Variants in DNA2 observed in about 807,000 individuals in gnomAD.
DNA2 encodes DNA replication helicase/nuclease 2.
DNA2 carries 101 observed loss-of-function variants against 119.1 expected under a neutral mutation model. That is an observed-to-expected ratio of 0.85 (90% CI 0.72 to 1.00). The LOEUF is 1.00. Ranked by LOEUF, DNA2 falls within the 50% of genes least tolerant of loss-of-function variation. DNA2 has a pLI of 0.00. For synonymous variants in DNA2, 366 were observed against 424.4 expected, an observed-to-expected ratio of 0.86 and a Z score of 1.69; for missense variants, 1,121 against 1,255.5, an observed-to-expected ratio of 0.89 and a Z score of 1.62.
rs1301940365 is a variant in DNA2 at position 68,448,980 on chromosome 10, T to TGTGCGC, written c.939+1047_939+1048insGCGCAC. Among the ~76,000 whole-genome samples the TGTGCGC allele has an allele frequency of 2.3e-4, 32 of 142,112 alleles. 1 individual carries two copies. Among genetic ancestry groups the TGTGCGC allele is most frequent in the African/African-American group, 8.9e-4 (30 of 33,580 alleles). The allele number at this position is 142,112 out of a possible 152,430, so 93.2% of individuals were successfully genotyped here. A position where few individuals can be genotyped will look rare whatever the true frequency, so the allele number is the denominator to read the frequency against. ...GTGTGTGTGTGTGCGTGTGTGTGTG[T>TGTGCGC]GTGTGTAGTAGTTTCACCATGTTGG... On this transcript the variant is annotated intron_variant, in intron 6 of 20. Coordinates refer to ENST00000358410, the MANE Select transcript of DNA2 (RefSeq NM_001080449.3).
At chr10:68,434,094 GT>G (rs2051856255) in intron 10 of DNA2, among the ~76,000 whole-genome samples, 2 of 152,074 alleles carry the variant, frequency 1.3e-5, no homozygotes, top group South Asian at 4.1e-4. Context: ...GGACAACATA[GT>G]AAAACCCTGC....
intron 8 of DNA2, among the ~76,000 whole-genome samples, chr10:68,444,403 T>C (rs562117505): frequency 2.8e-5 from 4 of 143,076 alleles, no homozygotes; most frequent in African/African-American, 1.0e-4. Flanking sequence ...AATAAATAAA[T>C]AAATAAAATA....
chr10:68,416,806 C>T lies in DNA2; in HGVS notation c.3017G>A (p.Arg1006Lys), dbSNP rs372294758. 3 of 1,613,716 alleles carry T rather than the reference C, an allele frequency of 1.9e-6. No individual in the cohort carries two copies. Among genetic ancestry groups the T allele is most frequent in the Non-Finnish European group, 2.5e-6 (3 of 1,179,740 alleles). The change falls in exon 20 of 21, where the codon AGA (arginine) becomes AAA (lysine). Residue 1006 changes from arginine (R) to lysine (K), a missense_variant. Physicochemically the swap from Arg to Lys is conservative, Grantham distance 26 (BLOSUM62 2). Transcript: ENST00000358410. Reference protein sequence around the residue: ...DWRRLNVAITRAKHKLILLGC... With the variant: ...DWRRLNVAITKAKHKLILLGC... ...CAGAAGAATCAGTTTATGTTTGGCT[C>T]TGGTTATAGCAACATTAAGACGTCG...
chr10:68,464,385 C>T (rs975942431), intron 4 of DNA2, among the ~76,000 whole-genome samples: 5 of 152,038 alleles, frequency 3.3e-5, no homozygotes, highest in South Asian at 2.1e-4. Flanking sequence ...TGTGGTGGCT[C>T]ATGCCTGTAA....
chr10:68,467,982 T>C (rs2052346122), intron 3 of DNA2, 141 bp downstream of exon 3: 2 of 616,598 alleles, frequency 3.2e-6, no homozygotes, highest in East Asian at 3.3e-5. Flanking sequence ...TCTGAGCCCA[T>C]TTTCCTCATC....
intron 7 of DNA2, among the ~76,000 whole-genome samples, chr10:68,445,451 G>A (rs1386760323): frequency 6.6e-6 from 1 of 151,730 alleles, no homozygotes; most frequent in Admixed American, 6.6e-5. Context: ...TAACAAGAGC[G>A]AAACTCGGTC....
chr10:68,442,756 C>G (rs1170291620), intron 9 of DNA2, among the ~76,000 whole-genome samples, 161 bp downstream of exon 9: 2 of 152,152 alleles, frequency 1.3e-5, no homozygotes, highest in African/African-American at 4.8e-5. Context: ...GAATGGTGCT[C>G]TTCTTAGAAA....
intron 4 of DNA2, among the ~76,000 whole-genome samples, chr10:68,459,692 C>A (rs1307623047): frequency 6.6e-6 from 1 of 152,112 alleles, no homozygotes; most frequent in Non-Finnish European, 1.5e-5. Context: ...GATGGCTGTA[C>A]AACAAGGTGA....
intron 13 of DNA2, 81 bp from the exon 14 acceptor site, chr10:68,430,741 A>G (rs1343430806): frequency 4.5e-6 from 5 of 1,099,364 alleles, no homozygotes; most frequent in Non-Finnish European, 6.4e-6. Flanking sequence ...TAAACTTAAC[A>G]AGAACCATAT....
In DNA2 at chr10:68,422,864, T is replaced by C. The variant is rs374238244; in HGVS notation, c.2235A>G (p.Gly745=). Reference sequence around the variant, plus strand: ...TACGGGAAAATATTGGATGGTTTATTCCCATACATGTTGTTGCAACTATAA... The same window carrying C: ...TACGGGAAAATATTGGATGGTTTATCCCCATACATGTTGTTGCAACTATAA... The part of the protein sequence containing the change: ...SQLIVATTCM[G]INHPIFSRKI... The change falls in exon 15 of 21, where the codon GGA becomes GGG. Residue 745 remains glycine (G), a synonymous_variant. Transcript: ENST00000358410. 5.0e-6 allele frequency: 8 copies of C among 1,594,868 alleles called. No homozygotes were observed. Among genetic ancestry groups the C allele is most frequent in the Non-Finnish European group, 6.8e-6 (8 of 1,174,572 alleles).
chr10:68,431,338 A>G (rs115039766), intron 13 of DNA2, among the ~76,000 whole-genome samples: 3,826 of 151,742 alleles, frequency 0.025, 159 homozygotes, highest in African/African-American at 0.087. Context: ...ATTGGAATGC[A>G]ATGGCGTGAT....
At chr10:68,472,465 A>T (rs1360095455), upstream of DNA2, among the ~76,000 whole-genome samples, 3 of 152,118 alleles carry the variant, frequency 2.0e-5, no homozygotes, top group Admixed American at 1.3e-4. Context: ...CCAGGCATGG[A>T]GGCTCACGCC....
At chr10:68,436,953 C>A (rs1301390301) in intron 10 of DNA2, 58 bp downstream of exon 10, 7 of 1,333,086 alleles carry the variant, frequency 5.3e-6, no homozygotes, top group African/African-American at 1.5e-5. Context: ...GGATGAACTA[C>A]ACAGATGTGA....
chr10:68,422,334 A>T lies in DNA2; in HGVS notation c.2588T>A (p.Phe863Tyr). Residue 863 changes from phenylalanine to tyrosine, a missense_variant, in exon 17 of 21, where the codon TTT (phenylalanine) becomes TAT (tyrosine). Phe to Tyr is a conservative substitution (Grantham distance 22). Transcript: ENST00000358410. ...VANAVINLRH[F>Y]KDVKLELEFY... ...TTCCAGTTCCAGCTTCACATCTTTA[A>T]AGTGACGTAGGTTTATCACTGCATT... The T allele has an allele frequency of 6.2e-7, 1 of 1,613,924 alleles. No homozygotes were observed. The highest frequency in any genetic ancestry group is 8.5e-7 in the Non-Finnish European group (1 of 1,179,882).
At chr10:68,417,544 C>T (rs1440913152) in intron 19 of DNA2, among the ~76,000 whole-genome samples, 1 of 151,160 alleles carries the variant, frequency 6.6e-6, no homozygotes, top group Non-Finnish European at 1.5e-5. Flanking sequence ...ATCCCAGCTA[C>T]TCAGGAGGCT....
chr10:68,470,180 CA>C lies in DNA2; in HGVS notation c.75-18del, dbSNP rs1456436246. On this transcript the variant is annotated intron_variant, in intron 1 of 20. Coordinates refer to ENST00000358410, the MANE Select transcript of DNA2 (RefSeq NM_001080449.3). ...TTCTGAAATCTAAAGCACACACATA[CA>C]AAACTATTTTAGCACAACCATGAAA... is the stretch of plus-strand genomic sequence containing the variant. 3.2e-6 allele frequency: 5 copies of C among 1,570,830 alleles called. No homozygotes were observed. Among genetic ancestry groups the C allele is most frequent in the Non-Finnish European group, 4.3e-6 (5 of 1,165,466 alleles).
chr10:68,447,446 G>A (rs1413746969), intron 6 of DNA2, among the ~76,000 whole-genome samples: 1 of 150,998 alleles, frequency 6.6e-6, no homozygotes. Flanking sequence ...GAACCCGGGA[G>A]GTGGAGGTTG....
intron 17 of DNA2, 87 bp from the exon 18 acceptor site, chr10:68,419,979 G>T: frequency 2.0e-6 from 2 of 985,774 alleles, no homozygotes; most frequent in African/African-American, 1.6e-5. Flanking sequence ...CTATACTACC[G>T]ACTTGGAGAT....
chr10:68,416,693 A>G lies in DNA2; in HGVS notation c.3114+16T>C. On this transcript the variant is annotated intron_variant, in intron 20 of 20. Coordinates refer to ENST00000358410, the MANE Select transcript of DNA2 (RefSeq NM_001080449.3). ...AGTGCAATCAAATGTGACCATATAC[A>G]GAAGAAAAAGGATATTAATTTTTCT... 1.2e-6 allele frequency: 2 copies of G among 1,605,366 alleles called. No individual in the cohort carries two copies. The highest frequency in any genetic ancestry group is 1.7e-6 in the Non-Finnish European group (2 of 1,172,320).
Sources: gnomAD v4.1 joint callset for allele counts (sites outside exome capture counted in the v4.1 genomes callset) on GRCh38, gnomAD v4.1.1 for gene constraint, MANE v1.5 for transcripts, NCBI Gene and HGNC (gene_info 2026-07-23, HGNC 2026-07-21) for gene names.